Variants in DNAH5 observed in about 807,000 individuals in gnomAD.
DNAH5 encodes the protein axonemal beta dynein heavy chain 5.
A neutral mutation model predicts 518.2 loss-of-function variants in DNAH5; 372 were observed. That is an observed-to-expected ratio of 0.72 (90% CI 0.66 to 0.78). The LOEUF is 0.78. Among genes scored for constraint, DNAH5 ranks in the 30% least tolerant of loss-of-function variants. DNAH5 has a pLI of 0.00. For synonymous variants in DNAH5, 2,039 were observed against 2,025.9 expected, an observed-to-expected ratio of 1.01 and a Z score of -0.17; for missense variants, 5,523 against 5,687.0, an observed-to-expected ratio of 0.97 and a Z score of 0.93.
intron 23 of DNAH5, 52 bp from the exon 24 acceptor site, chr5:13,871,054 G>A (rs942943562): frequency 1.1e-5 from 15 of 1,400,898 alleles, no homozygotes; most frequent in East Asian, 2.3e-5. Flanking sequence ...GAATCAGTAC[G>A]AAAAGTCAAA....
intron 8 of DNAH5, 41 bp from the exon 9 acceptor site, chr5:13,916,496 T>G (rs781154466): frequency 1.9e-6 from 2 of 1,068,108 alleles, no homozygotes; most frequent in South Asian, 2.5e-5. Context: ...AATCATCAAA[T>G]TCAGCAAAAT....
intron 24 of DNAH5, among the ~76,000 whole-genome samples, chr5:13,870,141 C>T (rs528834680): frequency 6.6e-5 from 10 of 152,188 alleles, no homozygotes; most frequent in African/African-American, 2.4e-4. Context: ...TTCTTCGACC[C>T]TCAGTTTCCT....
chr5:13,922,615 T>G (rs1407101805), intron 4 of DNAH5, among the ~76,000 whole-genome samples: 1 of 150,842 alleles, frequency 6.6e-6, no homozygotes, highest in African/African-American at 2.4e-5. Context: ...TAATCCCAGC[T>G]ACTCAGGAGG....
At chr5:13,697,802 C>G (rs927269474) in intron 78 of DNAH5, among the ~76,000 whole-genome samples, 1 of 152,222 alleles carries the variant, frequency 6.6e-6, no homozygotes, top group Non-Finnish European at 1.5e-5. Context: ...ACTCTTGCCT[C>G]TGTTCCAGGA....
At chr5:13,850,900 GC>G in intron 30 of DNAH5, 85 bp from the exon 31 acceptor site, 3 of 1,420,544 alleles carry the variant, frequency 2.1e-6, no homozygotes, top group Non-Finnish European at 2.0e-6. Flanking sequence ...TCCAGCTGAG[GC>G]TAGAGCTTTA....
chr5:13,828,451 G>A (rs550262405), intron 38 of DNAH5, among the ~76,000 whole-genome samples: 2 of 152,206 alleles, frequency 1.3e-5, no homozygotes, highest in South Asian at 2.1e-4. Context: ...CCACCTCCTG[G>A]TGGTCATGTC....
intron 75 of DNAH5, among the ~76,000 whole-genome samples, chr5:13,710,115 C>T (rs920842028): frequency 5.3e-5 from 8 of 152,148 alleles, no homozygotes; most frequent in African/African-American, 1.9e-4. Context: ...GCTGCGAGAC[C>T]CACAGACAAG....
intron 29 of DNAH5, among the ~76,000 whole-genome samples, chr5:13,860,835 C>T (rs1768315292): frequency 6.6e-6 from 1 of 152,148 alleles, no homozygotes; most frequent in South Asian, 2.1e-4. Context: ...TTTCTTATCC[C>T]TTCATGGTTC....
chr5:13,764,976 A>G (rs1752324232), intron 59 of DNAH5, among the ~76,000 whole-genome samples: 1 of 152,234 alleles, frequency 6.6e-6, no homozygotes, highest in Admixed American at 6.5e-5. Context: ...TATCTCAAAC[A>G]AAGATTATAG....
intron 56 of DNAH5, among the ~76,000 whole-genome samples, chr5:13,770,117 C>T (rs1753129402): frequency 6.6e-6 from 1 of 152,122 alleles, no homozygotes; most frequent in Non-Finnish European, 1.5e-5. Flanking sequence ...GAGATGGGAA[C>T]CCTCCGAGTC....
intron 16 of DNAH5, among the ~76,000 whole-genome samples, chr5:13,894,245 T>C (rs1297019462): frequency 1.3e-5 from 2 of 152,230 alleles, no homozygotes; most frequent in Non-Finnish European, 2.9e-5. Context: ...TTATATCTCT[T>C]TTTAAGGAAA....
At chr5:13,754,417 C>G (rs182354982) in intron 61 of DNAH5, 79 bp from the exon 62 acceptor site, 2 of 1,521,676 alleles carry the variant, frequency 1.3e-6, no homozygotes, top group Non-Finnish European at 1.8e-6. Context: ...TTGTAGAACA[C>G]GCCATATTAT....
chr5:13,757,840 G>T (rs1751216927), intron 61 of DNAH5, among the ~76,000 whole-genome samples: 1 of 152,116 alleles, frequency 6.6e-6, no homozygotes, highest in South Asian at 2.1e-4. Flanking sequence ...ACATTCTGCA[G>T]ATATTGAAAC....
chr5:13,897,035 C>T (rs569110502), intron 15 of DNAH5, among the ~76,000 whole-genome samples: 13 of 152,258 alleles, frequency 8.5e-5, no homozygotes, highest in Middle Eastern at 3.4e-3. Flanking sequence ...TACAATATCT[C>T]CCCTCTTGGG....
rs1364768386 is a variant in DNAH5, at chr5:13,866,230, A to G, written c.4106T>C (p.Ile1369Thr). The G allele has an allele frequency of 1.9e-6, 3 of 1,613,606 alleles. No individual in the cohort carries two copies. In the African/African-American group the frequency reaches 4.0e-5, roughly 21 times the overall value. The change falls in exon 26 of 79, where the codon ATC becomes ACC. Residue 1369 changes from isoleucine to threonine, a missense_variant. Transcript: ENST00000265104. ...AACTAAAAAGATTACCTGAAACATG[A>G]TAAGCCTGTCACTGGCTTCCTGGGG... The part of the protein sequence containing the change: ...LKPQEASDRL[I>T]MFQNQFDNIY...
chr5:13,979,206 C>T (rs532763099), intron 1 of DNAH5, among the ~76,000 whole-genome samples: 25 of 152,266 alleles, frequency 1.6e-4, no homozygotes, highest in African/African-American at 5.8e-4. Context: ...CCAAAGCCTA[C>T]ATGTCCAGCA....
intron 63 of DNAH5, 145 bp downstream of exon 63, chr5:13,753,088 G>C (rs1204764529): frequency 1.6e-6 from 1 of 635,628 alleles, no homozygotes; most frequent in Non-Finnish European, 2.7e-6. Context: ...TTTTATATTA[G>C]ATTTAAGCTT....
At chr5:14,000,044 C>A (rs181092978) in intron 1 of DNAH5, among the ~76,000 whole-genome samples, 19 of 151,998 alleles carry the variant, frequency 1.3e-4, no homozygotes, top group Admixed American at 3.3e-4. Context: ...TGAACTGTGT[C>A]CCATCACAAT....
At chr5:13,758,812 T>C (rs1454872188) in intron 61 of DNAH5, 34 bp downstream of exon 61, 5 of 1,613,874 alleles carry the variant, frequency 3.1e-6, no homozygotes, top group Admixed American at 3.3e-5. Context: ...CGTGTAGATA[T>C]GTGACAGTCC....
Sources: allele counts gnomAD v4.1 joint callset (sites outside exome capture counted in the v4.1 genomes callset), GRCh38; gene constraint gnomAD v4.1.1; transcripts MANE v1.5; gene names NCBI Gene and HGNC (gene_info 2026-07-23, HGNC 2026-07-21).